Variants in AKAP9 observed in about 807,000 individuals in gnomAD.
AKAP9 encodes A-kinase anchor protein 9.
Under a neutral mutation model 488.5 loss-of-function variants are expected in AKAP9, and 311 were observed. The observed-to-expected ratio is 0.64, with a 90% confidence interval of 0.58 to 0.70. The LOEUF (loss-of-function observed/expected upper bound fraction) is 0.70, where lower values mean the gene tolerates loss of function less well. Among genes scored for constraint, AKAP9 ranks in the 30% least tolerant of loss-of-function variants. The pLI, the probability that AKAP9 is intolerant of heterozygous loss-of-function variation, is 0.00. For synonymous variants in AKAP9, 1,462 were observed against 1,483.5 expected, an observed-to-expected ratio of 0.99 and a Z score of 0.33; for missense variants, 4,215 against 4,374.5, an observed-to-expected ratio of 0.96 and a Z score of 1.03.
Position 92,110,465 on chromosome 7 carries a change from C to T in AKAP9, c.*306C>T. On this transcript the variant is annotated 3_prime_UTR_variant, in exon 50 of 50. Coordinates refer to ENST00000356239, the MANE Select transcript of AKAP9 (RefSeq NM_005751.5). Reference sequence around the variant, plus strand: ...GAAAAGATTAAACTTTTACGCATTACAATACTGCTGAATGTGTAGCTCGAG... The same window carrying T: ...GAAAAGATTAAACTTTTACGCATTATAATACTGCTGAATGTGTAGCTCGAG... 2.4e-6 allele frequency: 1 copy of T among 411,914 alleles called. No individual in the cohort carries two copies. The highest frequency in any genetic ancestry group is 4.4e-6 in the Non-Finnish European group (1 of 224,916). 25.5% of individuals were successfully genotyped at this position (411,914 alleles called of 1,614,324 possible).
chr7:92,061,506 G>T, intron 23 of AKAP9, 84 bp downstream of exon 23: 1 of 1,476,716 alleles, frequency 6.8e-7, no homozygotes, highest in South Asian at 1.2e-5. Context: ...AGGTTTGGAA[G>T]CCGTCAATCC....
intron 31 of AKAP9, 104 bp downstream of exon 31, chr7:92,080,256 A>G (rs996523265): frequency 4.2e-6 from 4 of 947,336 alleles, no homozygotes; most frequent in African/African-American, 3.4e-5. Flanking sequence ...AATTTATACA[A>G]GAAGGTTTTT....
At position 91,940,995 on chromosome 7, in the gene AKAP9, C is replaced by G; in HGVS notation, c.-105C>G. ...GGGAGCGCCGGACCGAATCGGCTCT[C>G]TAGGCCGTGGAGCTTGCCGTCCCAC... On this transcript the variant is annotated 5_prime_UTR_variant, in exon 1 of 50. Transcript: ENST00000356239. The G allele has an allele frequency of 8.1e-7, 1 of 1,227,814 alleles. No individual in the cohort carries two copies. The highest frequency in any genetic ancestry group is 1.2e-5 in the South Asian group (1 of 83,090). 76.1% of individuals were successfully genotyped at this position (1,227,814 alleles called of 1,614,324 possible).
chr7:92,034,844 A>G (rs1804932357), intron 16 of AKAP9, among the ~76,000 whole-genome samples: 1 of 151,982 alleles, frequency 6.6e-6, no homozygotes, highest in Non-Finnish European at 1.5e-5. Context: ...CTGTAGTGTT[A>G]TCCCTATTTC....
Position 92,022,351 on chromosome 7 carries a change from T to A in AKAP9, c.3951T>A (p.Ile1317=). ...IHSQMTNLED[I]DVNHKSKLSS... ...CTCAGATGACCAATTTGGAAGACAT[T>A]GGTAAATTTTGATCATATACCACAA... Residue 1317 remains isoleucine, a splice_region_variant and synonymous_variant, in exon 13 of 50, where the codon ATT becomes ATA. Coordinates refer to ENST00000356239, the MANE Select transcript of AKAP9 (RefSeq NM_005751.5). 1 of 1,589,370 alleles carries A rather than the reference T, an allele frequency of 6.3e-7. No individual in the cohort carries two copies. The highest frequency in any genetic ancestry group is 8.6e-7 in the Non-Finnish European group (1 of 1,157,720).
At chr7:91,984,893 A>G (rs1308319588) in intron 3 of AKAP9, among the ~76,000 whole-genome samples, 1 of 152,166 alleles carries the variant, frequency 6.6e-6, no homozygotes. Context: ...CTTTGTAGGA[A>G]TTGTGAATGG....
chr7:91,942,118 A>G (rs556758385), intron 1 of AKAP9, among the ~76,000 whole-genome samples: 185 of 152,304 alleles, frequency 1.2e-3, no homozygotes, highest in Non-Finnish European at 2.3e-3. Flanking sequence ...TTTATGGATT[A>G]TATTATTTTT....
At chr7:92,091,900 C>T (rs1297623447) in intron 38 of AKAP9, 2 of 152,040 alleles carry the variant, frequency 1.3e-5, no homozygotes, top group African/African-American at 2.4e-5. Context: ...ATTTCTGTCT[C>T]CTAACGTCAG....
intron 20 of AKAP9, chr7:92,043,356 G>C: frequency 5.1e-6 from 5 of 982,914 alleles, no homozygotes; most frequent in Non-Finnish European, 6.0e-6. Context: ...AGTCAGTATG[G>C]AACTCAAACA....
intron 44 of AKAP9, among the ~76,000 whole-genome samples, chr7:92,100,267 G>C (rs530815258): frequency 9.9e-5 from 15 of 152,230 alleles, no homozygotes; most frequent in African/African-American, 3.4e-4. Context: ...TTAATTATTA[G>C]TTATTGTGTT....
intron 15 of AKAP9, among the ~76,000 whole-genome samples, chr7:92,030,689 A>G (rs1253965888): frequency 1.3e-5 from 2 of 152,074 alleles, no homozygotes; most frequent in Admixed American, 1.3e-4. Context: ...CCAAGACAAT[A>G]GGGCTGGGAT....
chr7:91,985,099 C>T (rs1359367276), intron 3 of AKAP9, among the ~76,000 whole-genome samples: 2 of 152,128 alleles, frequency 1.3e-5, no homozygotes, highest in African/African-American at 4.8e-5. Context: ...ATTGAATACC[C>T]TTTATTTCTT....
At chr7:91,950,534 G>T (rs188821172) in intron 1 of AKAP9, among the ~76,000 whole-genome samples, 78 of 152,238 alleles carry the variant, frequency 5.1e-4, no homozygotes, top group African/African-American at 1.8e-3. Context: ...CCAGGCTAGG[G>T]TCTCACTTTT....
At chr7:92,023,127 A>AC in intron 14 of AKAP9, 118 bp downstream of exon 14, 1 of 1,031,282 alleles carries the variant, frequency 9.7e-7, no homozygotes, top group Non-Finnish European at 1.5e-6. Context: ...AAGAGATAGG[A>AC]TGTAGCATTT....
intron 28 of AKAP9, among the ~76,000 whole-genome samples, chr7:92,075,917 A>T (rs1027863737): frequency 6.6e-6 from 1 of 152,176 alleles, no homozygotes; most frequent in Non-Finnish European, 1.5e-5. Flanking sequence ...GCAGTAAATG[A>T]TTCATAAGCT....
At chr7:91,959,973 C>G (rs1489731260) in intron 1 of AKAP9, among the ~76,000 whole-genome samples, 1 of 152,144 alleles carries the variant, frequency 6.6e-6, no homozygotes, top group Admixed American at 6.5e-5. Flanking sequence ...TTTGGGACAA[C>G]TGTTATAATC....
chr7:91,983,829 T>G (rs1796737771), intron 3 of AKAP9, among the ~76,000 whole-genome samples: 1 of 152,216 alleles, frequency 6.6e-6, no homozygotes, highest in South Asian at 2.1e-4. Context: ...TGATCGCCAT[T>G]CTAACTTTTG....
chr7:91,969,493 C>T (rs1009195819), intron 1 of AKAP9, among the ~76,000 whole-genome samples: 1 of 152,140 alleles, frequency 6.6e-6, no homozygotes, highest in African/African-American at 2.4e-5. Flanking sequence ...CTGTCCAATA[C>T]TGGGATTGGG....
intron 38 of AKAP9, chr7:92,089,751 C>A: frequency 2.1e-6 from 1 of 480,884 alleles, no homozygotes. Context: ...TGCCATTCCC[C>A]TGATAAGGTT....
Sources: allele counts gnomAD v4.1 joint callset (sites outside exome capture counted in the v4.1 genomes callset), GRCh38; gene constraint gnomAD v4.1.1; transcripts MANE v1.5; gene names NCBI Gene and HGNC (gene_info 2026-07-23, HGNC 2026-07-21).